MYO1H: variants seen among roughly 807,000 people sequenced by gnomAD.
The protein encoded by MYO1H is myosin IH.
In MYO1H, 118 loss-of-function variants were observed where a neutral mutation model predicts 149.3. That is an observed-to-expected ratio of 0.79 (90% confidence interval 0.68 to 0.92). MYO1H has a LOEUF of 0.92. Among genes scored for constraint, MYO1H ranks in the 40% least tolerant of loss-of-function variants. The pLI, the probability that MYO1H is intolerant of heterozygous loss-of-function variation, is 0.00. For missense variants in MYO1H, 1,212 were observed against 1,280.7 expected (o/e 0.95, Z 0.82); for synonymous variants, 447 against 465.2 (o/e 0.96, Z 0.50).
At chr12:109,365,949 G>C (rs921512250) in intron 1 of MYO1H, among the ~76,000 whole-genome samples, 3 of 152,182 alleles carry the variant, frequency 2.0e-5, no homozygotes, top group Admixed American at 6.5e-5. Flanking sequence ...GGCAGCATTA[G>C]ACTCTCACAG....
chr12:109,442,749 G>A (rs1425749509), intron 27 of MYO1H, among the ~76,000 whole-genome samples: 5 of 150,440 alleles, frequency 3.3e-5, no homozygotes, highest in East Asian at 2.0e-4. Context: ...TGCCTGGCAC[G>A]CAGCAGCAGG....
intron 15 of MYO1H, among the ~76,000 whole-genome samples, chr12:109,416,726 C>T (rs1252830749): frequency 6.6e-6 from 1 of 152,196 alleles, no homozygotes; most frequent in South Asian, 2.1e-4. Flanking sequence ...TGATGGCTCA[C>T]GCCTGTAATC....
intron 26 of MYO1H, among the ~76,000 whole-genome samples, chr12:109,441,914 G>A (rs1012599960): frequency 1.3e-5 from 2 of 152,128 alleles, no homozygotes; most frequent in African/African-American, 2.4e-5. Context: ...GGGCGTGGTG[G>A]TGTCCACCTG....
intron 1 of MYO1H, among the ~76,000 whole-genome samples, chr12:109,369,942 G>A (rs1241873151): frequency 3.9e-5 from 6 of 152,164 alleles, no homozygotes; most frequent in Non-Finnish European, 5.9e-5. Context: ...CGAAAGGCAC[G>A]TCTTACATGG....
intron 1 of MYO1H, among the ~76,000 whole-genome samples, chr12:109,354,630 A>AAAAAAGAAAG (rs796354256): frequency 7.5e-6 from 1 of 134,046 alleles, no homozygotes; most frequent in Non-Finnish European, 1.6e-5. Context: ...AAAAAAAAAA[A>AAAAAAGAAAG]AAAAGAAAAG....
intron 1 of MYO1H, among the ~76,000 whole-genome samples, chr12:109,359,106 C>T (rs775920076): frequency 1.3e-5 from 2 of 151,934 alleles, no homozygotes; most frequent in Admixed American, 6.6e-5. Flanking sequence ...AGGAGGTGGC[C>T]GGGGAGCTGT....
At chr12:109,443,461 G>A in intron 27 of MYO1H, 53 bp from the exon 28 acceptor site, 1 of 1,592,738 alleles carries the variant, frequency 6.3e-7, no homozygotes, top group Non-Finnish European at 8.6e-7. Context: ...TGAGTAGCAA[G>A]AAACTCGGTA....
chr12:109,321,807 A>C, the MYO1H span, among the ~76,000 whole-genome samples: 2 of 150,966 alleles, frequency 1.3e-5, no homozygotes, highest in Non-Finnish European at 1.5e-5. Context: ...GATACAGAGA[A>C]ATAGACATAC....
At chr12:109,436,520 C>A in exon 22 of MYO1H, 1 of 1,611,244 alleles carries the variant, frequency 6.2e-7, no homozygotes. Context: ...CAAACGCTGC[C>A]TAGGAAGGAG....
chr12:109,446,860 G>C (rs527571186), intron 31 of MYO1H, among the ~76,000 whole-genome samples: 1 of 152,204 alleles, frequency 6.6e-6, no homozygotes, highest in Non-Finnish European at 1.5e-5. Flanking sequence ...TTTGGATGTA[G>C]ACTATAAGGT....
In MYO1H at chr12:109,431,614, C is replaced by T. The variant is rs148824679; in HGVS notation, c.1950-1283C>T. ...CTGGAACCCAGGCATTCTGTTTCTACGCCAGTGGCTCCGGTTGTGCTGCTT... is the reference window on the plus strand; with the variant it reads ...CTGGAACCCAGGCATTCTGTTTCTATGCCAGTGGCTCCGGTTGTGCTGCTT... On this transcript the variant is annotated intron_variant, in intron 19 of 31. Transcript: ENST00000310903. Among the ~76,000 whole-genome samples the T allele has an allele frequency of 9.8e-3, 1,499 of 152,266 alleles. 35 individuals carry two copies. Among genetic ancestry groups the T allele is most frequent in the African/African-American group, 0.034 (1,430 of 41,540 alleles).
exon 32 of MYO1H, chr12:109,447,661 T>G (rs1233871037): frequency 1.1e-5 from 2 of 182,412 alleles, no homozygotes; most frequent in Non-Finnish European, 2.4e-5. Context: ...TTCTTCTGGG[T>G]GCTCTGGTTT....
At chr12:109,434,953 A>G in intron 20 of MYO1H, 84 bp from the exon 21 acceptor site, 1 of 750,592 alleles carries the variant, frequency 1.3e-6, no homozygotes, top group Non-Finnish European at 2.2e-6. Context: ...CTGAGTGGAA[A>G]TGAATTTTTG....
chr12:109,315,598 G>A, the MYO1H span, among the ~76,000 whole-genome samples: 26 of 152,028 alleles, frequency 1.7e-4, no homozygotes, highest in Non-Finnish European at 3.2e-4. Context: ...TTTAAAAATC[G>A]AAAAGTTGGC....
At chr12:109,379,210 G>A (rs1271948969) in intron 1 of MYO1H, among the ~76,000 whole-genome samples, 2 of 152,216 alleles carry the variant, frequency 1.3e-5, no homozygotes, top group African/African-American at 4.8e-5. Flanking sequence ...TTTTCATCAT[G>A]TCAGAAGATT....
intron 1 of MYO1H, among the ~76,000 whole-genome samples, chr12:109,364,075 G>A (rs928223447): frequency 3.3e-5 from 5 of 150,898 alleles, no homozygotes; most frequent in African/African-American, 4.9e-5. Flanking sequence ...GAAGTCTGAG[G>A]CAGGAGAATT....
chr12:109,428,945 A>G (rs1871497571), intron 19 of MYO1H, among the ~76,000 whole-genome samples: 1 of 152,166 alleles, frequency 6.6e-6, no homozygotes, highest in Admixed American at 6.5e-5. Context: ...ATGTTGCCTC[A>G]CACCTGTAAT....
chr12:109,370,001 A>G (rs1280702991), intron 1 of MYO1H, among the ~76,000 whole-genome samples: 1 of 152,198 alleles, frequency 6.6e-6, no homozygotes, highest in Admixed American at 6.5e-5. Flanking sequence ...TTATAAAACT[A>G]TCAGATCTTG....
chr12:109,331,176 C>T, the MYO1H span, among the ~76,000 whole-genome samples: 1 of 152,186 alleles, frequency 6.6e-6, no homozygotes, highest in South Asian at 2.1e-4. Flanking sequence ...TAAAATCAGT[C>T]AGCACCTGAC....
Sources: allele counts gnomAD v4.1 joint callset (sites outside exome capture counted in the v4.1 genomes callset), GRCh38; gene constraint gnomAD v4.1.1; transcripts MANE v1.5; gene names NCBI Gene and HGNC (gene_info 2026-07-23, HGNC 2026-07-21).